Variants in LRRC52 observed in about 807,000 individuals in gnomAD.
LRRC52 encodes the protein leucine rich repeat containing 52, also known as leucine-rich repeat-containing protein 52.
In LRRC52, 15 loss-of-function variants were observed where a neutral mutation model predicts 14.7. That is an observed-to-expected ratio of 1.02 (90% confidence interval 0.68 to 1.58). LRRC52 has a LOEUF of 1.58. LRRC52 is among the 40% of genes most tolerant of loss of function. The pLI is 0.00. For missense variants in LRRC52, 400 were observed against 387.7 expected (o/e 1.03, Z -0.27); for synonymous variants, 180 against 163.9 (o/e 1.10, Z -0.75).
chr1:165,563,861 C>A lies in LRRC52; in HGVS notation c.*37C>A. On this transcript the variant is annotated 3_prime_UTR_variant, in exon 2 of 2. Transcript: ENST00000294818. ...CACTATCTTATGTGCCTCCCCCAGG[C>A]TCCCTGCTTTCTCTCTTGCCCTCCC... 6.3e-7 allele frequency: 1 copy of A among 1,587,284 alleles called. No individual in the cohort carries two copies. Among genetic ancestry groups the A allele is most frequent in the South Asian group, 1.2e-5 (1 of 86,702 alleles).
At chr1:165,546,803 G>A (rs1661029703) in intron 1 of LRRC52, among the ~76,000 whole-genome samples, 1 of 151,976 alleles carries the variant, frequency 6.6e-6, no homozygotes, top group Non-Finnish European at 1.5e-5. Flanking sequence ...GACCACTTTG[G>A]ACTCCTTGAC....
intron 1 of LRRC52, among the ~76,000 whole-genome samples, chr1:165,555,038 C>T (rs72693836): frequency 0.017 from 2,624 of 152,164 alleles, 34 homozygotes; most frequent in Non-Finnish European, 0.023. Flanking sequence ...AGATGCCAGC[C>T]GCTTGGCCAG....
At chr1:165,552,408 G>A (rs1463229996) in intron 1 of LRRC52, among the ~76,000 whole-genome samples, 1 of 152,164 alleles carries the variant, frequency 6.6e-6, no homozygotes, top group Non-Finnish European at 1.5e-5. Context: ...GGATGGATGT[G>A]GCTAGAGAAA....
chr1:165,544,545 C>CT lies in LRRC52; in HGVS notation c.250dup (p.Cys84LeufsTer24), dbSNP rs756873698. The CT allele has an allele frequency of 6.2e-7, 1 of 1,614,104 alleles. No homozygotes were observed. The highest frequency in any genetic ancestry group is 8.5e-7 in the Non-Finnish European group (1 of 1,180,026). On this transcript the variant is annotated frameshift_variant, in exon 1 of 2. Transcript: ENST00000294818. LOFTEE classifies it high-confidence loss of function. ...TCCTCAGTGACCTTGTTTATTTGGACTGTCAGAACAACCGGATTCGAGAGG... is the reference window on the plus strand; with the variant it reads ...TCCTCAGTGACCTTGTTTATTTGGACTTGTCAGAACAACCGGATTCGAGAGG...
rs114884059 is a variant in LRRC52, at chr1:165,558,029, A to T, written c.623-5476A>T. ...CCTCCTGAAGACCAAGAAAAGAACC[A>T]TTTCCCCTTATAACTGGCGGGTTCA... On this transcript the variant is annotated intron_variant, in intron 1 of 1. Transcript: ENST00000294818. 2.6e-3 allele frequency among the ~76,000 whole-genome samples: 401 copies of T among 152,192 alleles called. 3 individuals are homozygous for T. The highest frequency in any genetic ancestry group is 9.3e-3 in the African/African-American group (388 of 41,516).
intron 1 of LRRC52, among the ~76,000 whole-genome samples, chr1:165,561,850 G>A (rs984932115): frequency 3.3e-5 from 5 of 152,200 alleles, no homozygotes; most frequent in Admixed American, 2.0e-4. Flanking sequence ...ATTGGTGTCC[G>A]GGTGAAGAGG....
At chr1:165,561,422 C>G (rs1306959515) in intron 1 of LRRC52, among the ~76,000 whole-genome samples, 1 of 152,184 alleles carries the variant, frequency 6.6e-6, no homozygotes, top group Non-Finnish European at 1.5e-5. Flanking sequence ...TGAGCTCTCT[C>G]TCGATAGAAT....
intron 1 of LRRC52, among the ~76,000 whole-genome samples, chr1:165,553,406 A>T (rs1261572598): frequency 1.3e-5 from 2 of 152,250 alleles, no homozygotes; most frequent in African/African-American, 4.8e-5. Flanking sequence ...AGTGAACACC[A>T]ATCCATAATG....
In LRRC52 at chr1:165,544,058, A is replaced by G. The variant is rs1660958478; in HGVS notation, c.-239A>G. The G allele has an allele frequency of 1.8e-6, 1 of 562,472 alleles. No homozygotes were observed. The highest frequency in any genetic ancestry group is 1.9e-5 in the African/African-American group (1 of 53,408). 34.8% of individuals were successfully genotyped at this position (562,472 alleles called of 1,614,324 possible). On this transcript the variant is annotated 5_prime_UTR_variant, in exon 1 of 2. Coordinates refer to ENST00000294818, the MANE Select transcript of LRRC52 (RefSeq NM_001005214.4). ...ACCTTTCAAAGCTGCCAAGTGGGCA[A>G]GCTTCCAGCAGCAGTCTGGGAGCGA...
At chr1:165,553,833 C>T (rs1453156481) in intron 1 of LRRC52, among the ~76,000 whole-genome samples, 2 of 152,120 alleles carry the variant, frequency 1.3e-5, no homozygotes, top group African/African-American at 4.8e-5. Context: ...ATTTCTCTTT[C>T]AGTGAGGTGA....
At chr1:165,559,953 A>T (rs1661309752) in intron 1 of LRRC52, among the ~76,000 whole-genome samples, 1 of 152,200 alleles carries the variant, frequency 6.6e-6, no homozygotes, top group African/African-American at 2.4e-5. Flanking sequence ...CCTGGCCAGG[A>T]CACCATTCCA....
intron 1 of LRRC52, among the ~76,000 whole-genome samples, chr1:165,552,443 G>T (rs1366050821): frequency 4.6e-5 from 7 of 152,148 alleles, no homozygotes; most frequent in Non-Finnish European, 1.0e-4. Context: ...GCTAGGAAGG[G>T]CCTTGAATGG....
chr1:165,555,530 G>A (rs918949332), intron 1 of LRRC52, among the ~76,000 whole-genome samples: 2 of 152,168 alleles, frequency 1.3e-5, no homozygotes, highest in Non-Finnish European at 2.9e-5. Context: ...TTTTGAGCAG[G>A]GAAGTGACAT....
intron 1 of LRRC52, among the ~76,000 whole-genome samples, chr1:165,562,725 T>G (rs990142062): frequency 6.6e-6 from 1 of 151,678 alleles, no homozygotes; most frequent in Non-Finnish European, 1.5e-5. Flanking sequence ...GCGCTACATA[T>G]GGGGAGGTGC....
At position 165,544,754 on chromosome 1, in the gene LRRC52, G is replaced by A. The variant is rs754923557; in HGVS notation, c.458G>A (p.Arg153Lys). Residue 153 changes from arginine (R) to lysine (K), a missense_variant, in exon 1 of 2, where the codon AGG becomes AAG. Transcript: ENST00000294818. ...ACCTTTGCCAACACCACCTCTTTGA[G>A]GTACCTGGACCTCAGAAATACCGGC... ...KFTFANTTSLRYLDLRNTGLQ... is the reference protein window; with the variant it reads ...KFTFANTTSLKYLDLRNTGLQ... 1.2e-6 allele frequency: 2 copies of A among 1,613,968 alleles called. No homozygotes were observed. The highest frequency in any genetic ancestry group is 1.1e-5 in the South Asian group (1 of 91,052).
Position 165,563,638 on chromosome 1 carries a change from C to T in LRRC52, c.756C>T (p.Gly252=), listed in dbSNP as rs868761970. The T allele has an allele frequency of 5.0e-6, 8 of 1,614,258 alleles. 1 individual carries two copies. In the Middle Eastern group the frequency reaches 1.2e-3, roughly 233 times the overall value. Residue 252 remains glycine (G), a synonymous_variant, in exon 2 of 2, where the codon GGC becomes GGT. Transcript: ENST00000294818. ...ACTACATCTTCCTGCTGCTCATCGG[C>T]TTCTGCATCTTCGCCGCGGGAACTG... ...HKDYIFLLLI[G]FCIFAAGTVA...
At chr1:165,549,142 C>T (rs1251424396) in intron 1 of LRRC52, among the ~76,000 whole-genome samples, 1 of 152,180 alleles carries the variant, frequency 6.6e-6, no homozygotes, top group Non-Finnish European at 1.5e-5. Flanking sequence ...CATGGGTTTT[C>T]AGACCCTAAG....
At position 165,547,436 on chromosome 1, in the gene LRRC52, C is replaced by T. The variant is rs74120740; in HGVS notation, c.622+2518C>T. Among the ~76,000 whole-genome samples, 984 of 152,216 alleles carry T rather than the reference C, an allele frequency of 6.5e-3. 3 individuals carry two copies. Among genetic ancestry groups the T allele is most frequent in the African/African-American group, 0.022 (921 of 41,530 alleles). ...ATAATAAGCACTAACCGTCATAAAT[C>T]CATTGATATGCCTGTACTTCCCTTG... is the stretch of plus-strand genomic sequence containing the variant. On this transcript the variant is annotated intron_variant, in intron 1 of 1. Transcript: ENST00000294818.
At chr1:165,561,845 T>A (rs1328970967) in intron 1 of LRRC52, among the ~76,000 whole-genome samples, 1 of 152,258 alleles carries the variant, frequency 6.6e-6, no homozygotes, top group African/African-American at 2.4e-5. Context: ...CAAGTATTGG[T>A]GTCCGGGTGA....
Sources: gnomAD v4.1 joint callset for allele counts (sites outside exome capture counted in the v4.1 genomes callset) on GRCh38, gnomAD v4.1.1 for gene constraint, MANE v1.5 for transcripts, NCBI Gene and HGNC (gene_info 2026-07-23, HGNC 2026-07-21) for gene names.